CNTNAP2: variants seen among roughly 807,000 people sequenced by gnomAD.
CNTNAP2 encodes contactin-associated protein-like 2.
In CNTNAP2, 98 loss-of-function variants were observed where a neutral mutation model predicts 155.2. That is an observed-to-expected ratio of 0.63 (90% confidence interval 0.54 to 0.75). CNTNAP2 has a LOEUF of 0.75. CNTNAP2 is among the 30% of genes least tolerant of loss of function. CNTNAP2 has a pLI of 0.00. For synonymous variants in CNTNAP2, 651 were observed against 631.2 expected, an observed-to-expected ratio of 1.03 and a Z score of -0.47; for missense variants, 1,727 against 1,688.1, an observed-to-expected ratio of 1.02 and a Z score of -0.40.
rs532162834 is a variant in CNTNAP2 at position 147,124,229 on chromosome 7, G to T, written c.939+3066G>T. 1.1e-3 allele frequency among the ~76,000 whole-genome samples: 166 copies of T among 152,148 alleles called. 4 individuals are homozygous for T. In the South Asian group the frequency reaches 0.032, roughly 29 times the overall value. On this transcript the variant is annotated intron_variant, in intron 6 of 23. Coordinates refer to ENST00000361727, the MANE Select transcript of CNTNAP2 (RefSeq NM_014141.6). Reference sequence around the variant, plus strand: ...AACATTCATTCCTGAACTATTTAAAGGCTTTGGCCTAAAGGAAGAGAAAGC... The same window carrying T: ...AACATTCATTCCTGAACTATTTAAATGCTTTGGCCTAAAGGAAGAGAAAGC...
chr7:146,920,642 C>T lies in CNTNAP2; in HGVS notation c.402+80738C>T, dbSNP rs571183000. Among the ~76,000 whole-genome samples, 12 of 152,036 alleles carry T rather than the reference C, an allele frequency of 7.9e-5. No homozygotes were observed. In the East Asian group the frequency reaches 9.7e-4, roughly 12 times the overall value. ...GTCTTTAATAATTTCACACTGTAGC[C>T]GTTTCATGTTTTAAAAATTGTAATA... On this transcript the variant is annotated intron_variant, in intron 3 of 23. Coordinates refer to ENST00000361727, the MANE Select transcript of CNTNAP2 (RefSeq NM_014141.6).
intron 19 of CNTNAP2, among the ~76,000 whole-genome samples, chr7:148,226,966 C>T (rs539962052): frequency 6.6e-6 from 1 of 152,306 alleles, no homozygotes; most frequent in East Asian, 1.9e-4. Context: ...CCCCTCAAGC[C>T]GCATTCTTTC....
chr7:148,116,615 G>A (rs1175886538), intron 15 of CNTNAP2, among the ~76,000 whole-genome samples: 2 of 152,132 alleles, frequency 1.3e-5, no homozygotes, highest in Non-Finnish European at 2.9e-5. Flanking sequence ...TCTAGATGTT[G>A]CTATATTCTA....
intron 15 of CNTNAP2, among the ~76,000 whole-genome samples, chr7:148,109,994 G>A (rs1563202419): frequency 6.6e-6 from 1 of 151,710 alleles, no homozygotes; most frequent in Non-Finnish European, 1.5e-5. Context: ...GGAGGCCTGG[G>A]GAGTTTCTTC....
intron 1 of CNTNAP2, among the ~76,000 whole-genome samples, chr7:146,410,545 T>C (rs577072876): frequency 6.6e-6 from 1 of 152,258 alleles, no homozygotes; most frequent in African/African-American, 2.4e-5. Flanking sequence ...GCAGGCTTGT[T>C]ATATAGGTAA....
At chr7:147,841,276 A>G (rs192362129) in intron 13 of CNTNAP2, among the ~76,000 whole-genome samples, 39 of 152,338 alleles carry the variant, frequency 2.6e-4, no homozygotes, top group Non-Finnish European at 2.2e-4. Flanking sequence ...TACAATCTGA[A>G]TCTTTGACAG....
intron 21 of CNTNAP2, among the ~76,000 whole-genome samples, chr7:148,345,370 G>A (rs79384072): frequency 0.026 from 3,485 of 135,352 alleles, 48 homozygotes; most frequent in African/African-American, 0.049. Flanking sequence ...TTGTTTGTTT[G>A]TTTATTTTTT....
chr7:148,206,605 T>TG (rs1457634466), intron 18 of CNTNAP2, among the ~76,000 whole-genome samples: 1 of 152,236 alleles, frequency 6.6e-6, no homozygotes, highest in African/African-American at 2.4e-5. Flanking sequence ...ATCCTCCCGC[T>TG]GTCGTTCCTG....
intron 13 of CNTNAP2, among the ~76,000 whole-genome samples, chr7:147,691,411 C>G (rs1796085625): frequency 6.6e-6 from 1 of 152,084 alleles, no homozygotes; most frequent in African/African-American, 2.4e-5. Flanking sequence ...TTCCAGCCTA[C>G]CCTCATGGAA....
intron 14 of CNTNAP2, among the ~76,000 whole-genome samples, chr7:147,976,024 A>AT (rs34999876): frequency 0.11 from 16,150 of 152,198 alleles, 1,152 homozygotes; most frequent in African/African-American, 0.21. Flanking sequence ...TAGACAATAC[A>AT]TTTTTTTAAA....
At chr7:146,369,050 T>TATATACAC (rs1286983889) in intron 1 of CNTNAP2, among the ~76,000 whole-genome samples, 6 of 139,188 alleles carry the variant, frequency 4.3e-5, no homozygotes, top group Non-Finnish European at 7.6e-5. Context: ...TATATATATA[T>TATATACAC]ACATATATAT....
intron 8 of CNTNAP2, among the ~76,000 whole-genome samples, chr7:147,152,761 T>G (rs1801852048): frequency 6.6e-6 from 1 of 152,180 alleles, no homozygotes; most frequent in Non-Finnish European, 1.5e-5. Flanking sequence ...GTGTTTAAAT[T>G]ATGCTTAAAG....
At chr7:146,813,570 T>C (rs1803109001) in intron 2 of CNTNAP2, among the ~76,000 whole-genome samples, 1 of 152,174 alleles carries the variant, frequency 6.6e-6, no homozygotes, top group African/African-American at 2.4e-5. Context: ...TGTTTTTGAT[T>C]TTACAGGCTT....
At chr7:148,329,973 C>T (rs556606689) in intron 21 of CNTNAP2, among the ~76,000 whole-genome samples, 1 of 152,356 alleles carries the variant, frequency 6.6e-6, no homozygotes, top group South Asian at 2.1e-4. Flanking sequence ...GGCCCCCACC[C>T]TCCCCAGCCA....
At chr7:147,422,052 A>G (rs1355043890) in intron 10 of CNTNAP2, among the ~76,000 whole-genome samples, 1 of 149,564 alleles carries the variant, frequency 6.7e-6, no homozygotes, top group African/African-American at 2.5e-5. Flanking sequence ...CTTTATAGCA[A>G]TTCGAGAATG....
chr7:146,616,110 G>A (rs1440581284), intron 1 of CNTNAP2, among the ~76,000 whole-genome samples: 1 of 152,072 alleles, frequency 6.6e-6, no homozygotes. Context: ...AGAGAATCTA[G>A]AAGGAAGAGC....
At chr7:146,986,859 G>A (rs950089799) in intron 3 of CNTNAP2, among the ~76,000 whole-genome samples, 46 of 151,724 alleles carry the variant, frequency 3.0e-4, no homozygotes, top group Non-Finnish European at 8.8e-5. Context: ...AGGATTGTTC[G>A]TTTTTTTCTA....
chr7:146,410,880 C>T (rs946838965), intron 1 of CNTNAP2, among the ~76,000 whole-genome samples: 2 of 152,146 alleles, frequency 1.3e-5, no homozygotes, highest in Admixed American at 1.3e-4. Flanking sequence ...TCTTTCTGTG[C>T]CTGGCTTACT....
chr7:147,024,325 CA>C (rs376450566), intron 3 of CNTNAP2, among the ~76,000 whole-genome samples: 114 of 150,470 alleles, frequency 7.6e-4, no homozygotes, highest in African/African-American at 1.8e-3. Context: ...CTGTTTATAA[CA>C]AAAAAAAAGT....
Sources: gnomAD v4.1 joint callset for allele counts (sites outside exome capture counted in the v4.1 genomes callset) on GRCh38, gnomAD v4.1.1 for gene constraint, MANE v1.5 for transcripts, NCBI Gene and HGNC (gene_info 2026-07-23, HGNC 2026-07-21) for gene names.